Variants in TENM2 observed in about 807,000 individuals in gnomAD.
The protein encoded by TENM2 is teneurin-2.
Under a neutral mutation model 245.2 loss-of-function variants are expected in TENM2, and 52 were observed. The ratio of observed to expected loss-of-function variants is 0.21; its 90% CI spans 0.17 to 0.27. The LOEUF (loss-of-function observed/expected upper bound fraction) is 0.27. Ranked by LOEUF, TENM2 falls within the 10% of genes least tolerant of loss-of-function variation. The probability of loss-of-function intolerance (pLI) is 1.00; values close to 1 mark genes in which losing one functional copy is unlikely to be tolerated. For synonymous variants in TENM2, 1,363 were observed against 1,438.9 expected (o/e 0.95, Z 1.19); for missense variants, 3,046 against 3,666.8 (o/e 0.83, Z 4.37).
At chr5:167,014,022 A>T in the TENM2 span, among the ~76,000 whole-genome samples, 1 of 152,124 alleles carries the variant, frequency 6.6e-6, no homozygotes, top group Non-Finnish European at 1.5e-5. Flanking sequence ...TCTTGTCATC[A>T]CCTAAATGAA....
the TENM2 span, among the ~76,000 whole-genome samples, chr5:167,096,184 G>T: frequency 5.7e-4 from 87 of 152,184 alleles, no homozygotes; most frequent in African/African-American, 2.1e-3. Flanking sequence ...GTTTTGATAC[G>T]TGTATACATT....
chr5:167,649,926 C>T (rs1354356613), intron 2 of TENM2, among the ~76,000 whole-genome samples: 1 of 151,990 alleles, frequency 6.6e-6, no homozygotes, highest in Admixed American at 6.6e-5. Context: ...GAAATTGAGC[C>T]ATATAGATAA....
chr5:167,157,034 G>GCATT, the TENM2 span, among the ~76,000 whole-genome samples: 1 of 152,130 alleles, frequency 6.6e-6, no homozygotes, highest in Non-Finnish European at 1.5e-5. Context: ...TTTTCATGCA[G>GCATT]GTGTGCTTCA....
intron 2 of TENM2, among the ~76,000 whole-genome samples, chr5:167,532,845 T>TGC (rs3052018): frequency 6.6e-5 from 10 of 150,550 alleles, no homozygotes; most frequent in African/African-American, 2.0e-4. Flanking sequence ...TATATATATA[T>TGC]GCTATCCTGT....
intron 5 of TENM2, among the ~76,000 whole-genome samples, chr5:168,034,245 A>T (rs1414863779): frequency 1.3e-5 from 2 of 149,106 alleles, no homozygotes; most frequent in Non-Finnish European, 3.0e-5. Flanking sequence ...TGGGAGGCTG[A>T]GGCAGGAGAA....
chr5:167,385,926 A>G lies in TENM2; in HGVS notation c.502+10453A>G. Among the ~76,000 whole-genome samples, 3 of 147,324 alleles carry G rather than the reference A, an allele frequency of 2.0e-5. 1 individual carries two copies. Among genetic ancestry groups the G allele is most frequent in the Non-Finnish European group, 4.5e-5 (3 of 67,248 alleles). ...TTACAGTTTCTTTATCCACTCATTGATTGATGGGCATTTGGGTTGGTTCCA... is the reference window on the plus strand; with the variant it reads ...TTACAGTTTCTTTATCCACTCATTGGTTGATGGGCATTTGGGTTGGTTCCA... On this transcript the variant is annotated intron_variant, in intron 2 of 28. Coordinates refer to ENST00000518659, the Ensembl canonical transcript of TENM2.
chr5:167,170,685 A>T, the TENM2 span, among the ~76,000 whole-genome samples: 9 of 152,134 alleles, frequency 5.9e-5, no homozygotes, highest in Non-Finnish European at 7.4e-5. Context: ...TTAAAAGTTG[A>T]TCTTTAATCC....
intron 2 of TENM2, among the ~76,000 whole-genome samples, chr5:167,668,625 G>C (rs1755727776): frequency 6.6e-6 from 1 of 152,148 alleles, no homozygotes; most frequent in African/African-American, 2.4e-5. Context: ...ACCGTTCTGA[G>C]AGACCATGAA....
chr5:167,583,510 A>ACACACCCC (rs777180325), intron 2 of TENM2, among the ~76,000 whole-genome samples: 8 of 149,890 alleles, frequency 5.3e-5, no homozygotes, highest in Non-Finnish European at 1.2e-4. Context: ...ACACACACAC[A>ACACACCCC]CCCCAAACCT....
At chr5:167,999,927 G>A (rs531071451) in intron 5 of TENM2, among the ~76,000 whole-genome samples, 15 of 152,306 alleles carry the variant, frequency 9.8e-5, no homozygotes, top group African/African-American at 1.7e-4. Context: ...CAATGGTATC[G>A]TCTGCCAGCC....
rs368339524 is a variant in TENM2, at chr5:167,992,931, C to A, written c.948-13C>A. The stretch of plus-strand genomic sequence containing the variant: ...ACCCATGACCACTCTGACTCTTTCC[C>A]TTTTCCTGGCAGGCACTTCCTCTTC... On this transcript the variant is annotated splice_polypyrimidine_tract_variant and intron_variant, in intron 4 of 28. Coordinates refer to ENST00000518659, the Ensembl canonical transcript of TENM2. 1.9e-6 allele frequency: 3 copies of A among 1,610,946 alleles called. No homozygotes were observed. The highest frequency in any genetic ancestry group is 2.5e-6 in the Non-Finnish European group (3 of 1,177,232).
chr5:168,201,435 C>T (rs746704439), intron 17 of TENM2, among the ~76,000 whole-genome samples: 7 of 152,028 alleles, frequency 4.6e-5, no homozygotes, highest in African/African-American at 7.3e-5. Flanking sequence ...CTTCCATACA[C>T]TCCAGCTCCT....
At chr5:168,193,445 A>G (rs1761126144) in intron 14 of TENM2, among the ~76,000 whole-genome samples, 1 of 152,238 alleles carries the variant, frequency 6.6e-6, no homozygotes, top group Non-Finnish European at 1.5e-5. Flanking sequence ...GTTACACATC[A>G]ATAATCATAA....
intron 13 of TENM2, among the ~76,000 whole-genome samples, chr5:168,170,750 A>C (rs1758737391): frequency 6.6e-6 from 1 of 152,110 alleles, no homozygotes; most frequent in African/African-American, 2.4e-5. Context: ...CACAGCAGCC[A>C]GAGGGAGTGT....
intron 3 of TENM2, among the ~76,000 whole-genome samples, chr5:167,944,370 C>T (rs879555772): frequency 2.6e-5 from 4 of 151,848 alleles, no homozygotes; most frequent in Admixed American, 2.0e-4. Context: ...ATGTGCAACT[C>T]GTTCTCAAAT....
intron 9 of TENM2, among the ~76,000 whole-genome samples, chr5:168,109,567 T>G (rs181119093): frequency 2.6e-5 from 4 of 152,324 alleles, no homozygotes; most frequent in Non-Finnish European, 5.9e-5. Flanking sequence ...ACACACAGAT[T>G]GCTGGGCTCC....
In TENM2 at chr5:167,347,351, T is replaced by C. The variant is rs187443609; in HGVS notation, c.227-27847T>C. 2.6e-5 allele frequency among the ~76,000 whole-genome samples: 4 copies of C among 152,282 alleles called. No individual in the cohort carries two copies. In the East Asian group the frequency reaches 5.8e-4, roughly 22 times the overall value. On this transcript the variant is annotated intron_variant, in intron 1 of 28. Coordinates refer to ENST00000518659, the Ensembl canonical transcript of TENM2. ...AAAAGATAGTCCAGACCAAAAGCAGTCAGTGCCTCTGCTTGCAAAATGTGC... is the reference window on the plus strand; with the variant it reads ...AAAAGATAGTCCAGACCAAAAGCAGCCAGTGCCTCTGCTTGCAAAATGTGC...
At chr5:167,384,444 A>G (rs753969160) in intron 2 of TENM2, among the ~76,000 whole-genome samples, 4 of 152,128 alleles carry the variant, frequency 2.6e-5, no homozygotes, top group Non-Finnish European at 5.9e-5. Flanking sequence ...ATGATTTTTC[A>G]GGGGACACTT....
intron 3 of TENM2, among the ~76,000 whole-genome samples, chr5:167,897,605 A>G (rs1775321413): frequency 6.6e-6 from 1 of 152,172 alleles, no homozygotes; most frequent in South Asian, 2.1e-4. Flanking sequence ...CCAGGTCACA[A>G]TTACCTTTAA....
Sources: allele counts gnomAD v4.1 joint callset (sites outside exome capture counted in the v4.1 genomes callset), GRCh38; gene constraint gnomAD v4.1.1; transcripts MANE v1.5; gene names NCBI Gene and HGNC (gene_info 2026-07-23, HGNC 2026-07-21).